Variants in CERKL observed in about 807,000 individuals in gnomAD.
The protein encoded by CERKL is CERK like autophagy regulator.
In CERKL, 61 loss-of-function variants were observed where a neutral mutation model predicts 63.4. That is an observed-to-expected ratio of 0.96 (90% CI 0.78 to 1.19). CERKL has a LOEUF of 1.19. Ranked by LOEUF, CERKL falls within the 50% of genes most tolerant of loss-of-function variation. CERKL has a pLI of 0.00. For synonymous variants in CERKL, 250 were observed against 230.5 expected (o/e 1.08, Z -0.77); for missense variants, 675 against 655.5 (o/e 1.03, Z -0.33).
At chr2:181,587,859 A>G (rs2105870656) in intron 2 of CERKL, among the ~76,000 whole-genome samples, 1 of 152,208 alleles carries the variant, frequency 6.6e-6, no homozygotes, top group African/African-American at 2.4e-5. Context: ...TTTAAGATAA[A>G]TTTTTAGTTA....
chr2:181,644,484 T>C (rs1467669715), intron 1 of CERKL, among the ~76,000 whole-genome samples: 2 of 152,258 alleles, frequency 1.3e-5, no homozygotes, highest in Non-Finnish European at 2.9e-5. Flanking sequence ...ATTTTCTGAA[T>C]TGATGATGCT....
chr2:181,597,192 T>A (rs1171296641), intron 2 of CERKL, among the ~76,000 whole-genome samples: 1 of 152,222 alleles, frequency 6.6e-6, no homozygotes, highest in African/African-American at 2.4e-5. Context: ...TTTTTCCTAT[T>A]CTTTTATTGA....
intron 5 of CERKL, among the ~76,000 whole-genome samples, chr2:181,553,471 T>G (rs992406439): frequency 6.6e-6 from 1 of 152,314 alleles, no homozygotes; most frequent in East Asian, 1.9e-4. Context: ...AGAAAGGCTA[T>G]TAAAAAACAT....
intron 2 of CERKL, among the ~76,000 whole-genome samples, chr2:181,582,610 A>C (rs1013182249): frequency 6.7e-6 from 1 of 149,548 alleles, no homozygotes; most frequent in Non-Finnish European, 1.5e-5. Flanking sequence ...ATCTTGGCTC[A>C]CTCCAACCTC....
intron 1 of CERKL, among the ~76,000 whole-genome samples, chr2:181,637,196 C>A (rs1043581291): frequency 2.6e-5 from 4 of 151,938 alleles, no homozygotes; most frequent in African/African-American, 9.7e-5. Context: ...TTTTAAAAAG[C>A]AAAATTGCAC....
intron 1 of CERKL, among the ~76,000 whole-genome samples, chr2:181,606,221 AAAGG>A (rs201770052): frequency 4.9e-4 from 61 of 124,852 alleles, no homozygotes; most frequent in Non-Finnish European, 9.3e-4. Flanking sequence ...GACAGGAAGG[AAAGG>A]AAGGAAGGGA....
intron 2 of CERKL, among the ~76,000 whole-genome samples, chr2:181,601,486 C>T (rs991907214): frequency 6.6e-6 from 1 of 152,112 alleles, no homozygotes. Flanking sequence ...TGCTCAAACC[C>T]GGGAGGCAAA....
chr2:181,573,785 A>C lies in CERKL; in HGVS notation c.581T>G (p.Leu194Trp), dbSNP rs1689009726. ...QVYYEKVEPL[L>W]KLAGIKTDVT... is the part of the protein sequence containing the mutation. ...ATCAGTTTTTATTCCTGCAAGCTTC[A>C]ACAGAGGTTCAACCTTCTCATAATA... Residue 194 changes from leucine (L) to tryptophan (W), a missense_variant, in exon 3 of 13, where the codon TTG becomes TGG. Leu to Trp is a moderately conservative substitution (Grantham distance 61). Coordinates refer to ENST00000410087, the MANE Select transcript of CERKL (RefSeq NM_201548.5). 2 of 1,612,572 alleles carry C rather than the reference A, an allele frequency of 1.2e-6. No individual in the cohort carries two copies. The highest frequency in any genetic ancestry group is 8.5e-7 in the Non-Finnish European group (1 of 1,179,122).
intron 4 of CERKL, chr2:181,565,494 A>G: frequency 6.2e-7 from 1 of 1,609,854 alleles, no homozygotes; most frequent in Non-Finnish European, 8.5e-7. Context: ...ATTGCGAACA[A>G]TGGTTTCCGA....
intron 2 of CERKL, among the ~76,000 whole-genome samples, chr2:181,593,189 C>G (rs1193615823): frequency 2.0e-5 from 3 of 152,026 alleles, no homozygotes; most frequent in African/African-American, 7.2e-5. Flanking sequence ...GGGACCAAAC[C>G]CAGATTATCC....
rs774284692 is a variant in CERKL at position 181,537,420 on chromosome 2, AACTT to A, written c.*760_*763del. 1.1e-5 allele frequency: 5 copies of A among 453,862 alleles called. No homozygotes were observed. Among genetic ancestry groups the A allele is most frequent in the Non-Finnish European group, 2.2e-5 (5 of 226,746 alleles). 28.1% of individuals were successfully genotyped at this position (453,862 alleles called of 1,614,324 possible). A position where few individuals can be genotyped will look rare whatever the true frequency, so the allele number is the denominator to read the frequency against. ...CCAGTTCAAAATAGTATTTGTTATC[AACTT>A]ACTTTGTTACTTGTATCATGAATTT... On this transcript the variant is annotated 3_prime_UTR_variant, in exon 13 of 13. Coordinates refer to ENST00000410087, the MANE Select transcript of CERKL (RefSeq NM_201548.5).
At chr2:181,625,357 G>C (rs142668696) in intron 1 of CERKL, among the ~76,000 whole-genome samples, 4 of 150,922 alleles carry the variant, frequency 2.7e-5, no homozygotes, top group Non-Finnish European at 5.9e-5. Context: ...AAGTTGGGGG[G>C]TGGGGTGAGC....
rs1479015756 is a variant in CERKL, at chr2:181,537,342, ACAGGCCTCT to A, written c.*833_*841del. On this transcript the variant is annotated 3_prime_UTR_variant, in exon 13 of 13. Transcript: ENST00000410087. Reference sequence around the variant, plus strand: ...AAGCAGAGTACTATGGTTGTCCAACACAGGCCTCTCAGATACAAGGGGAACACAATTACA... The same window carrying A: ...AAGCAGAGTACTATGGTTGTCCAACACAGATACAAGGGGAACACAATTACA... 13 of 453,716 alleles carry A rather than the reference ACAGGCCTCT, an allele frequency of 2.9e-5. No homozygotes were observed. The highest frequency in any genetic ancestry group is 5.7e-5 in the Non-Finnish European group (13 of 226,724). 28.1% of individuals were successfully genotyped at this position (453,716 alleles called of 1,614,324 possible). A position where few individuals can be genotyped will look rare whatever the true frequency, so the allele number is the denominator to read the frequency against.
chr2:181,619,467 A>C (rs1363119684), intron 1 of CERKL, among the ~76,000 whole-genome samples: 4 of 152,120 alleles, frequency 2.6e-5, no homozygotes, highest in Non-Finnish European at 5.9e-5. Flanking sequence ...GCTTCTCAGC[A>C]ATTCACTTCA....
At chr2:181,583,080 G>A (rs191727700) in intron 2 of CERKL, among the ~76,000 whole-genome samples, 1 of 151,474 alleles carries the variant, frequency 6.6e-6, no homozygotes, top group African/African-American at 2.4e-5. Flanking sequence ...TTTTTAATAT[G>A]CGCTATATTT....
At chr2:181,635,703 C>T (rs1348713135) in intron 1 of CERKL, among the ~76,000 whole-genome samples, 2 of 152,194 alleles carry the variant, frequency 1.3e-5, no homozygotes. Context: ...AACTTAAAAG[C>T]TTAATTTGGG....
chr2:181,566,945 A>T (rs2105834815), intron 3 of CERKL, among the ~76,000 whole-genome samples: 1 of 152,232 alleles, frequency 6.6e-6, no homozygotes, highest in Middle Eastern at 3.4e-3. Context: ...TTTGTGTAAG[A>T]ATGTGTGTCA....
intron 1 of CERKL, among the ~76,000 whole-genome samples, chr2:181,655,060 G>T (rs138479717): frequency 1.3e-5 from 2 of 152,130 alleles, no homozygotes; most frequent in South Asian, 2.1e-4. Flanking sequence ...TGAATACCAG[G>T]TATTAATTAC....
At chr2:181,607,022 G>C (rs1685746993) in intron 1 of CERKL, among the ~76,000 whole-genome samples, 1 of 152,084 alleles carries the variant, frequency 6.6e-6, no homozygotes, top group Admixed American at 6.5e-5. Context: ...AATAACTTTG[G>C]TTTATGTAGG....
Sources: allele counts gnomAD v4.1 joint callset (sites outside exome capture counted in the v4.1 genomes callset), GRCh38; gene constraint gnomAD v4.1.1; transcripts MANE v1.5; gene names NCBI Gene and HGNC (gene_info 2026-07-23, HGNC 2026-07-21).